Variants in NCAPG2 observed in about 807,000 individuals in gnomAD.
NCAPG2 encodes non-SMC condensin II complex subunit G2, also known as condensin-2 complex subunit G2.
NCAPG2 carries 53 observed loss-of-function variants against 141.1 expected under a neutral mutation model. That is an observed-to-expected ratio of 0.38 (90% confidence interval 0.30 to 0.47). NCAPG2 has a LOEUF of 0.47. Among genes scored for constraint, NCAPG2 ranks in the 20% least tolerant of loss-of-function variants. NCAPG2 has a pLI of 0.99. For synonymous variants in NCAPG2, 499 were observed against 490.7 expected, an observed-to-expected ratio of 1.02 and a Z score of -0.22; for missense variants, 1,087 against 1,389.0, an observed-to-expected ratio of 0.78 and a Z score of 3.46.
At chr7:158,690,037 T>C in intron 5 of NCAPG2, 84 bp from the exon 6 acceptor site, 1 of 1,157,566 alleles carries the variant, frequency 8.6e-7, no homozygotes, top group Non-Finnish European at 1.1e-6. Context: ...ATATCATAAA[T>C]AATGGTAATT....
At position 158,672,328 on chromosome 7, in the gene NCAPG2, A is replaced by ATT. The variant is rs869090702; in HGVS notation, c.1327-664_1327-663dup. The stretch of plus-strand genomic sequence containing the variant: ...TATATATATATATATATATATATAT[A>ATT]TTTTTTTTTTTTTTTTTTTTTTTTT... On this transcript the variant is annotated intron_variant, in intron 12 of 27. Coordinates refer to ENST00000356309, the MANE Select transcript of NCAPG2 (RefSeq NM_017760.7). Among the ~76,000 whole-genome samples the ATT allele has an allele frequency of 1.6e-4, 5 of 32,254 alleles. 1 individual carries two copies. The highest frequency in any genetic ancestry group is 2.8e-4 in the Non-Finnish European group (5 of 18,104). 21.2% of individuals were successfully genotyped at this position (32,254 alleles called of 152,430 possible). A position where few individuals can be genotyped will look rare whatever the true frequency, so the allele number is the denominator to read the frequency against.
At chr7:158,656,122 G>C (rs1312886217) in intron 19 of NCAPG2, 138 bp downstream of exon 19, 11 of 1,151,156 alleles carry the variant, frequency 9.6e-6, no homozygotes, top group Non-Finnish European at 1.3e-5. Context: ...TGTACCAACT[G>C]AATGAGGTGA....
Position 158,671,668 on chromosome 7 carries a change from T to G in NCAPG2, c.1327-2A>C. The G allele has an allele frequency of 6.2e-7, 1 of 1,613,370 alleles. No homozygotes were observed. The highest frequency in any genetic ancestry group is 8.5e-7 in the Non-Finnish European group (1 of 1,179,780). On this transcript the variant is annotated splice_acceptor_variant, in intron 12 of 27. Coordinates refer to ENST00000356309, the MANE Select transcript of NCAPG2 (RefSeq NM_017760.7). LOFTEE classifies it high-confidence loss of function. ...GTTGTCCAAAATCATTGGCAGACACTGCAACAGAGAGAAAGATAAACAATT... is the reference window on the plus strand; with the variant it reads ...GTTGTCCAAAATCATTGGCAGACACGGCAACAGAGAGAAAGATAAACAATT...
intron 27 of NCAPG2, among the ~76,000 whole-genome samples, chr7:158,639,390 A>C (rs1830490860): frequency 6.6e-6 from 1 of 152,144 alleles, no homozygotes; most frequent in Non-Finnish European, 1.5e-5. Context: ...TTACAGCTGT[A>C]AGCCACCGCA....
chr7:158,658,318 C>T lies in NCAPG2; in HGVS notation c.2060+20G>A, dbSNP rs759368792. ...ACAGGATTCCTACTTTTCTACCGTA[C>T]CAAAAAACAGAGCAAATACCTGAAT... On this transcript the variant is annotated intron_variant, in intron 17 of 27. Transcript: ENST00000356309. The T allele has an allele frequency of 4.4e-6, 7 of 1,595,836 alleles. No homozygotes were observed. In the African/African-American group the frequency reaches 9.5e-5, roughly 22 times the overall value.
chr7:158,677,276 G>T (rs1834117797), intron 11 of NCAPG2, among the ~76,000 whole-genome samples: 1 of 152,002 alleles, frequency 6.6e-6, no homozygotes, highest in Admixed American at 6.6e-5. Flanking sequence ...GAAGGAAAGG[G>T]CCCTTTGTAC....
intron 6 of NCAPG2, among the ~76,000 whole-genome samples, chr7:158,688,290 G>C (rs915956538): frequency 8.5e-5 from 13 of 152,278 alleles, no homozygotes; most frequent in Middle Eastern, 3.4e-3. Context: ...GATTGATTAG[G>C]AAACTACATT....
In NCAPG2 at chr7:158,656,405, T is replaced by A; in HGVS notation, c.2243A>T (p.Gln748Leu). ...KSNTASKGRV[Q>L]IHDTRPVKPE... ...TTTGACTGGGCGTGTGTCATGGATC[T>A]GCACCCTACCTTTAGAAGCTGTGTT... Residue 748 changes from glutamine to leucine, a missense_variant, in exon 19 of 28, where the codon CAG (glutamine) becomes CTG (leucine). Physicochemically the swap from Gln to Leu is moderately radical, Grantham distance 113. Coordinates refer to ENST00000356309, the MANE Select transcript of NCAPG2 (RefSeq NM_017760.7). The A allele has an allele frequency of 6.2e-7, 1 of 1,614,172 alleles. No individual in the cohort carries two copies. The highest frequency in any genetic ancestry group is 1.1e-5 in the South Asian group (1 of 91,080).
chr7:158,677,301 G>T (rs1260053890), intron 11 of NCAPG2, among the ~76,000 whole-genome samples: 1 of 152,042 alleles, frequency 6.6e-6, no homozygotes, highest in East Asian at 1.9e-4. Flanking sequence ...GTACCGAGGG[G>T]TCACCTGCCT....
At chr7:158,632,270 G>C (rs780271747) in intron 27 of NCAPG2, among the ~76,000 whole-genome samples, 22 of 152,206 alleles carry the variant, frequency 1.4e-4, no homozygotes, top group Non-Finnish European at 2.2e-4. Flanking sequence ...TTGGCTGAGA[G>C]CACTGAGTAC....
chr7:158,695,825 C>T (rs1323519485), intron 2 of NCAPG2, among the ~76,000 whole-genome samples: 1 of 152,232 alleles, frequency 6.6e-6, no homozygotes, highest in East Asian at 1.9e-4. Flanking sequence ...TGCCTGTGGG[C>T]ATCCTTCCAC....
At chr7:158,666,800 A>G (rs977768674) in intron 13 of NCAPG2, among the ~76,000 whole-genome samples, 2 of 152,130 alleles carry the variant, frequency 1.3e-5, no homozygotes, top group Non-Finnish European at 2.9e-5. Context: ...AAGACAATGC[A>G]TTGAAGGGAG....
Position 158,692,567 on chromosome 7 carries a change from C to T in NCAPG2, c.382+275G>A, listed in dbSNP as rs139731121. Among the ~76,000 whole-genome samples the T allele has an allele frequency of 1.6e-4, 24 of 152,232 alleles. 1 individual carries two copies. The highest frequency in any genetic ancestry group is 5.3e-4 in the African/African-American group (22 of 41,526). On this transcript the variant is annotated intron_variant, in intron 4 of 27. Transcript: ENST00000356309. ...GACTAGCCTGACCAACATGGAGAAA[C>T]CCTGTCTCTACTAAAAATACAAAAT...
rs1267639098 is a variant in NCAPG2 at position 158,693,433 on chromosome 7, T to G, written c.143A>C (p.Glu48Ala). Reference protein sequence around the residue: ...LLDELSRKQKEELWQRLKNLL... With the variant: ...LLDELSRKQKAELWQRLKNLL... ...ATTCTTCAGCCTTTGCCATAATTCT[T>G]CTTTCTGTTTCCTTGATAATTCATC... Residue 48 changes from glutamate to alanine, a missense_variant, in exon 3 of 28, where the codon GAA becomes GCA. Coordinates refer to ENST00000356309, the MANE Select transcript of NCAPG2 (RefSeq NM_017760.7). 2 of 1,613,972 alleles carry G rather than the reference T, an allele frequency of 1.2e-6. No homozygotes were observed. Among genetic ancestry groups the G allele is most frequent in the Admixed American group, 1.7e-5 (1 of 60,004 alleles).
At chr7:158,666,756 G>C (rs1440274907) in intron 13 of NCAPG2, among the ~76,000 whole-genome samples, 1 of 151,616 alleles carries the variant, frequency 6.6e-6, no homozygotes, top group Non-Finnish European at 1.5e-5. Context: ...GGGAAACCCT[G>C]TCTCAAAAAA....
intron 6 of NCAPG2, among the ~76,000 whole-genome samples, chr7:158,688,558 T>C (rs1834924411): frequency 1.3e-5 from 2 of 152,232 alleles, no homozygotes; most frequent in South Asian, 4.1e-4. Context: ...GTAATAACGA[T>C]GGTGCTGACA....
intron 13 of NCAPG2, chr7:158,664,965 C>G: frequency 2.0e-6 from 1 of 510,860 alleles, no homozygotes; most frequent in Non-Finnish European, 3.4e-6. Flanking sequence ...ATAAGGCACC[C>G]AAGTATTAGG....
At chr7:158,684,894 A>G (rs1367557574) in intron 8 of NCAPG2, among the ~76,000 whole-genome samples, 1 of 152,144 alleles carries the variant, frequency 6.6e-6, no homozygotes, top group Non-Finnish European at 1.5e-5. Flanking sequence ...CCTTGGCAAT[A>G]CAAATCAAGT....
At chr7:158,693,597 C>T in intron 2 of NCAPG2, 100 bp from the exon 3 acceptor site, 3 of 1,058,996 alleles carry the variant, frequency 2.8e-6, no homozygotes, top group African/African-American at 1.6e-5. Context: ...AACTTCATTA[C>T]AAGTTCAAGA....
Sources: gnomAD v4.1 joint callset for allele counts (sites outside exome capture counted in the v4.1 genomes callset) on GRCh38, gnomAD v4.1.1 for gene constraint, MANE v1.5 for transcripts, NCBI Gene and HGNC (gene_info 2026-07-23, HGNC 2026-07-21) for gene names.